SLC25A42: variants seen among roughly 807,000 people sequenced by gnomAD.
SLC25A42 encodes the protein solute carrier family 25 member 42.
In SLC25A42, 19 loss-of-function variants were observed where a neutral mutation model predicts 34.7. The observed-to-expected ratio is 0.55, with a 90% CI of 0.38 to 0.80. SLC25A42 has a LOEUF of 0.80. SLC25A42 is among the 30% of genes least tolerant of loss of function. SLC25A42 has a pLI of 0.00. For synonymous variants in SLC25A42, 205 were observed against 191.2 expected, an observed-to-expected ratio of 1.07 and a Z score of -0.59; for missense variants, 364 against 441.3, an observed-to-expected ratio of 0.82 and a Z score of 1.57.
chr19:19,096,254 T>TGGCCCCC, intron 2 of SLC25A42, 49 bp downstream of exon 2: 3 of 1,456,694 alleles, frequency 2.1e-6, no homozygotes, highest in Non-Finnish European at 9.4e-7. Context: ...GGCCCCAGCC[T>TGGCCCCC]CCCCACCCCC....
chr19:19,090,544 C>G (rs1212425159), intron 1 of SLC25A42, among the ~76,000 whole-genome samples: 1 of 152,016 alleles, frequency 6.6e-6, no homozygotes, highest in African/African-American at 2.4e-5. Flanking sequence ...AGGATCTGAT[C>G]TGGCTGGGCA....
chr19:19,106,175 G>C, intron 5 of SLC25A42, 94 bp from the exon 6 acceptor site: 2 of 1,072,700 alleles, frequency 1.9e-6, no homozygotes, highest in Admixed American at 2.0e-5. Context: ...CCCTGTCCCC[G>C]CCCCAGCAGA....
rs751820144 is a variant in SLC25A42, at chr19:19,101,893, G to A, written c.187+7G>A. On this transcript the variant is annotated splice_region_variant and intron_variant, in intron 3 of 7. Coordinates refer to ENST00000318596, the MANE Select transcript of SLC25A42 (RefSeq NM_178526.5). Reference sequence around the variant, plus strand: ...ACCAAAATCATCTTCCAAGGTAAGTGTTGGCCATCCCCAGGTGCTAGAGAA... The same window carrying A: ...ACCAAAATCATCTTCCAAGGTAAGTATTGGCCATCCCCAGGTGCTAGAGAA... The A allele has an allele frequency of 3.1e-6, 5 of 1,609,410 alleles. No individual in the cohort carries two copies. The South Asian group carries it at 4.4e-5, about 14-fold the overall frequency.
rs1056971334 is a variant in SLC25A42 at position 19,111,147 on chromosome 19, T to A, written c.*271T>A. ...AGACGCTGGCGCTGTCTGCCGGAGG[T>A]GTTGCCCAAAAGGCCCTAGTGGGGC... is the stretch of plus-strand genomic sequence containing the variant. On this transcript the variant is annotated 3_prime_UTR_variant, in exon 8 of 8. Coordinates refer to ENST00000318596, the MANE Select transcript of SLC25A42 (RefSeq NM_178526.5). The A allele has an allele frequency of 1.9e-6, 1 of 523,030 alleles. No individual in the cohort carries two copies. The highest frequency in any genetic ancestry group is 3.4e-6 in the Non-Finnish European group (1 of 292,620). 32.4% of individuals were successfully genotyped at this position (523,030 alleles called of 1,614,324 possible). A position where few individuals can be genotyped will look rare whatever the true frequency, so the allele number is the denominator to read the frequency against.
chr19:19,079,876 C>A (rs1599669451), intron 1 of SLC25A42, among the ~76,000 whole-genome samples: 1 of 152,142 alleles, frequency 6.6e-6, no homozygotes, highest in South Asian at 2.1e-4. Flanking sequence ...CAACCCCATG[C>A]ACAAGTTTTG....
At chr19:19,108,178 C>A in intron 7 of SLC25A42, 133 bp downstream of exon 7, 2 of 973,672 alleles carry the variant, frequency 2.1e-6, no homozygotes, top group Non-Finnish European at 2.9e-6. Context: ...AGGCTGTAGA[C>A]CCACATCCAA....
intron 5 of SLC25A42, 185 bp downstream of exon 5, chr19:19,105,912 A>C: frequency 1.7e-6 from 1 of 601,688 alleles, no homozygotes; most frequent in Non-Finnish European, 2.9e-6. Context: ...ACTCTGTCAC[A>C]TGCCCTATTC....
chr19:19,085,289 C>T (rs1346585920), intron 1 of SLC25A42, among the ~76,000 whole-genome samples: 3 of 152,190 alleles, frequency 2.0e-5, no homozygotes, highest in Non-Finnish European at 4.4e-5. Context: ...CTCAGCTTCC[C>T]CAGCTGTGAA....
intron 1 of SLC25A42, 63 bp from the exon 2 acceptor site, chr19:19,096,028 G>A: frequency 8.9e-7 from 1 of 1,119,618 alleles, no homozygotes; most frequent in Admixed American, 1.9e-5. Context: ...GGAAAAGGCT[G>A]GTGGAACACC....
At chr19:19,071,068 A>C (rs559334109) in intron 1 of SLC25A42, among the ~76,000 whole-genome samples, 2 of 149,054 alleles carry the variant, frequency 1.3e-5, no homozygotes, top group East Asian at 4.0e-4. Context: ...GTGTGGTGGC[A>C]AGATCACAGC....
intron 1 of SLC25A42, among the ~76,000 whole-genome samples, chr19:19,088,112 A>G (rs1443000206): frequency 1.3e-5 from 2 of 151,614 alleles, no homozygotes; most frequent in African/African-American, 4.9e-5. Flanking sequence ...TGGATTGGCC[A>G]TTGTCCTGCA....
At chr19:19,082,985 A>AT (rs1453528972) in intron 1 of SLC25A42, among the ~76,000 whole-genome samples, 2 of 151,678 alleles carry the variant, frequency 1.3e-5, no homozygotes, top group South Asian at 2.1e-4. Flanking sequence ...CACCCAGCTA[A>AT]TTTTTTTTGT....
chr19:19,105,495 G>C, intron 4 of SLC25A42, 66 bp from the exon 5 acceptor site: 1 of 1,562,702 alleles, frequency 6.4e-7, no homozygotes, highest in Non-Finnish European at 8.7e-7. Flanking sequence ...CGCTCTGCTG[G>C]TCACAGAGGC....
In SLC25A42 at chr19:19,111,027, G is replaced by C. The variant is rs1016512208; in HGVS notation, c.*151G>C. The C allele has an allele frequency of 1.2e-6, 1 of 856,072 alleles. No homozygotes were observed. The highest frequency in any genetic ancestry group is 1.7e-5 in the African/African-American group (1 of 57,914). 53.0% of individuals were successfully genotyped at this position (856,072 alleles called of 1,614,324 possible). A position where few individuals can be genotyped will look rare whatever the true frequency, so the allele number is the denominator to read the frequency against. ...GGTGGGCCTGAGGGGCCTGGGCTCA[G>C]AGTCCACGTCCAAACGCAAAGCTGG... is the stretch of plus-strand genomic sequence containing the variant. On this transcript the variant is annotated 3_prime_UTR_variant, in exon 8 of 8. Coordinates refer to ENST00000318596, the MANE Select transcript of SLC25A42 (RefSeq NM_178526.5).
At chr19:19,097,711 C>T (rs1378926719) in intron 2 of SLC25A42, among the ~76,000 whole-genome samples, 2 of 152,180 alleles carry the variant, frequency 1.3e-5, no homozygotes, top group Non-Finnish European at 2.9e-5. Flanking sequence ...ACCTGTAATC[C>T]CTGCACTCTG....
chr19:19,066,416 G>A (rs1346758379), intron 1 of SLC25A42, among the ~76,000 whole-genome samples: 3 of 151,458 alleles, frequency 2.0e-5, no homozygotes, highest in African/African-American at 7.3e-5. Context: ...CCTTACTGAT[G>A]GCTGTTTAAG....
chr19:19,084,648 GAGT>G (rs2059698232), intron 1 of SLC25A42, among the ~76,000 whole-genome samples: 1 of 152,192 alleles, frequency 6.6e-6, no homozygotes, highest in African/African-American at 2.4e-5. Flanking sequence ...TGCTTCCAAA[GAGT>G]AGAGTAGGGA....
At chr19:19,089,418 C>T (rs1472611703) in intron 1 of SLC25A42, among the ~76,000 whole-genome samples, 1 of 151,576 alleles carries the variant, frequency 6.6e-6, no homozygotes, top group African/African-American at 2.4e-5. Flanking sequence ...ATCCCAGCTA[C>T]TCAGGAGGCT....
chr19:19,105,017 C>A (rs2059818558), intron 4 of SLC25A42, 79 bp downstream of exon 4: 2 of 1,539,896 alleles, frequency 1.3e-6, no homozygotes, highest in Admixed American at 3.3e-5. Flanking sequence ...GGCAGGTGGT[C>A]TGAGGAGAGT....
Sources: allele counts gnomAD v4.1 joint callset (sites outside exome capture counted in the v4.1 genomes callset), GRCh38; gene constraint gnomAD v4.1.1; transcripts MANE v1.5; gene names NCBI Gene and HGNC (gene_info 2026-07-23, HGNC 2026-07-21).